The following ERBB4 variants were observed in gnomAD, a reference collection of about 807,000 sequenced individuals.
The protein encoded by ERBB4 is receptor tyrosine-protein kinase erbB-4.
A neutral mutation model predicts 158.0 loss-of-function variants in ERBB4; 42 were observed. That is an observed-to-expected ratio of 0.27 (90% CI 0.21 to 0.34). The LOEUF is 0.34. Ranked by LOEUF, ERBB4 falls within the 10% of genes least tolerant of loss-of-function variation. The pLI is 1.00. For synonymous variants in ERBB4, 583 were observed against 558.7 expected, an observed-to-expected ratio of 1.04 and a Z score of -0.61; for missense variants, 1,333 against 1,624.1, an observed-to-expected ratio of 0.82 and a Z score of 3.08.
intron 2 of ERBB4, among the ~76,000 whole-genome samples, chr2:212,041,285 T>G (rs2077135481): frequency 6.6e-6 from 1 of 152,108 alleles, no homozygotes; most frequent in African/African-American, 2.4e-5. Context: ...GTTGCTGTTT[T>G]TTTTCATAAT....
At chr2:211,925,475 G>A (rs1461983658) in intron 3 of ERBB4, among the ~76,000 whole-genome samples, 16 of 143,270 alleles carry the variant, frequency 1.1e-4, no homozygotes, top group African/African-American at 3.7e-4. Flanking sequence ...TCTGCCTTCC[G>A]GGTTCAAGCA....
intron 19 of ERBB4, among the ~76,000 whole-genome samples, chr2:211,578,502 C>T (rs2067960707): frequency 6.6e-6 from 1 of 152,106 alleles, no homozygotes; most frequent in Non-Finnish European, 1.5e-5. Flanking sequence ...CCAAGACAAT[C>T]CTAAGCAAAG....
chr2:211,876,691 T>G (rs1186018243), intron 3 of ERBB4, among the ~76,000 whole-genome samples: 1 of 152,144 alleles, frequency 6.6e-6, no homozygotes, highest in Non-Finnish European at 1.5e-5. Flanking sequence ...GGACAGGTAT[T>G]GACTGGTAAG....
intron 19 of ERBB4, among the ~76,000 whole-genome samples, chr2:211,616,152 G>A (rs531330670): frequency 1.7e-4 from 26 of 152,150 alleles, no homozygotes; most frequent in African/African-American, 6.0e-4. Flanking sequence ...GGAAGGATAT[G>A]TAGGGGGTGA....
intron 2 of ERBB4, among the ~76,000 whole-genome samples, chr2:212,074,587 A>G (rs2078219944): frequency 6.6e-6 from 1 of 152,012 alleles, no homozygotes; most frequent in Non-Finnish European, 1.5e-5. Flanking sequence ...TTTGATGAAT[A>G]TCATCTTAGT....
chr2:212,270,776 G>A (rs1026891017), intron 1 of ERBB4, among the ~76,000 whole-genome samples: 13 of 151,740 alleles, frequency 8.6e-5, no homozygotes, highest in Admixed American at 6.6e-5. Flanking sequence ...GAGAGAAAGC[G>A]GGGGAAATGA....
In ERBB4 at chr2:211,987,529, T is replaced by G. The variant is rs567486875; in HGVS notation, c.235-39913A>C. The stretch of plus-strand genomic sequence containing the variant: ...GGAAGGGAACATAGGAGAGAGAAAT[T>G]TAATGAAGGAAGGGAGGAGGGTGTA... On this transcript the variant is annotated intron_variant, in intron 2 of 27. Transcript: ENST00000342788. 3.3e-5 allele frequency among the ~76,000 whole-genome samples: 5 copies of G among 151,846 alleles called. No homozygotes were observed. In the South Asian group the frequency reaches 8.3e-4, roughly 25 times the overall value.
intron 1 of ERBB4, among the ~76,000 whole-genome samples, chr2:212,127,392 A>C (rs1389714221): frequency 6.6e-6 from 1 of 152,162 alleles, no homozygotes; most frequent in Non-Finnish European, 1.5e-5. Flanking sequence ...GGAGATCGAG[A>C]CCATCCTGGT....
chr2:211,690,649 A>T (rs988686002), intron 12 of ERBB4, among the ~76,000 whole-genome samples: 1 of 152,196 alleles, frequency 6.6e-6, no homozygotes, highest in Non-Finnish European at 1.5e-5. Context: ...CAAAGGAAGT[A>T]TCTCCACATA....
intron 20 of ERBB4, among the ~76,000 whole-genome samples, chr2:211,484,777 C>T (rs2065164995): frequency 1.3e-5 from 2 of 152,150 alleles, no homozygotes; most frequent in South Asian, 4.1e-4. Context: ...CAACATCTAT[C>T]TGTCAATAGT....
At chr2:211,673,640 A>T (rs1310946111) in intron 13 of ERBB4, among the ~76,000 whole-genome samples, 1 of 149,964 alleles carries the variant, frequency 6.7e-6, no homozygotes, top group East Asian at 1.9e-4. Context: ...AGAAGCTTTT[A>T]TTTCTAAACT....
At chr2:211,924,925 G>C (rs2079975146) in intron 3 of ERBB4, among the ~76,000 whole-genome samples, 1 of 152,070 alleles carries the variant, frequency 6.6e-6, no homozygotes. Flanking sequence ...TCAAATCTTT[G>C]TATGGATATT....
At chr2:211,599,008 G>A (rs1263370592) in intron 19 of ERBB4, among the ~76,000 whole-genome samples, 2 of 152,154 alleles carry the variant, frequency 1.3e-5, no homozygotes, top group Admixed American at 6.5e-5. Flanking sequence ...TCTTCATTGT[G>A]TATCACCTAT....
intron 3 of ERBB4, among the ~76,000 whole-genome samples, chr2:211,791,341 C>T (rs139821067): frequency 6.6e-6 from 1 of 151,952 alleles, no homozygotes; most frequent in African/African-American, 2.4e-5. Flanking sequence ...AAGTTTTCCA[C>T]AAGTTTTATC....
chr2:211,480,852 A>T (rs996452914), intron 20 of ERBB4, among the ~76,000 whole-genome samples: 7 of 152,204 alleles, frequency 4.6e-5, no homozygotes, highest in Non-Finnish European at 1.0e-4. Flanking sequence ...GTAACATATC[A>T]TTCTCCTGAA....
intron 1 of ERBB4, among the ~76,000 whole-genome samples, chr2:212,422,065 A>G (rs1370953080): frequency 1.3e-5 from 2 of 152,194 alleles, no homozygotes; most frequent in East Asian, 3.8e-4. Flanking sequence ...CCACAGTGAT[A>G]ATTCACCATT....
chr2:211,974,406 A>G (rs962162674), intron 2 of ERBB4, among the ~76,000 whole-genome samples: 2 of 152,188 alleles, frequency 1.3e-5, no homozygotes, highest in African/African-American at 4.8e-5. Flanking sequence ...TGGAAGAATA[A>G]AAGAAAAGAG....
intron 19 of ERBB4, among the ~76,000 whole-genome samples, chr2:211,604,377 T>C (rs2068904836): frequency 6.6e-6 from 1 of 152,212 alleles, no homozygotes; most frequent in African/African-American, 2.4e-5. Context: ...CTTGAAATTA[T>C]GCCACTGTTC....
intron 2 of ERBB4, among the ~76,000 whole-genome samples, chr2:212,069,498 C>G (rs562638507): frequency 1.3e-5 from 2 of 152,086 alleles, no homozygotes; most frequent in Non-Finnish European, 2.9e-5. Context: ...CACTCCCGAT[C>G]AGGAACAAGG....
Sources: gnomAD v4.1 joint callset for allele counts (sites outside exome capture counted in the v4.1 genomes callset) on GRCh38, gnomAD v4.1.1 for gene constraint, MANE v1.5 for transcripts, NCBI Gene and HGNC (gene_info 2026-07-23, HGNC 2026-07-21) for gene names.